The following BCAS3 variants were observed in gnomAD, a reference collection of about 807,000 sequenced individuals.
BCAS3 encodes the protein BCAS4/BCAS3 fusion.
A neutral mutation model predicts 116.1 loss-of-function variants in BCAS3; 53 were observed. The observed-to-expected ratio is 0.46, with a 90% CI of 0.37 to 0.57. The LOEUF is 0.57. BCAS3 is among the 20% of genes least tolerant of loss of function. The probability of loss-of-function intolerance (pLI) is 0.00; values close to 1 mark genes in which losing one functional copy is unlikely to be tolerated. For synonymous variants in BCAS3, 391 were observed against 408.2 expected (o/e 0.96, Z 0.51); for missense variants, 917 against 1,165.4 (o/e 0.79, Z 3.10).
rs1029499763 is a variant in BCAS3 at position 61,366,533 on chromosome 17, C to A, written c.2426-1794C>A. 6.6e-6 allele frequency among the ~76,000 whole-genome samples: 1 copy of A among 152,206 alleles called. No homozygotes were observed. Among genetic ancestry groups the A allele is most frequent in the African/African-American group, 2.4e-5 (1 of 41,460 alleles). On this transcript the variant is annotated intron_variant, in intron 22 of 23. Transcript: ENST00000407086. This position sits in a 1 kb window ranked among gnomAD's most constrained non-coding sequence, Gnocchi z 4.5. ...AGTGTTGGCTCTGAGCTTGGCACTG[C>A]CAGTGCACAGCTCTAGCACAGTTCA...
intron 22 of BCAS3, among the ~76,000 whole-genome samples, chr17:61,102,642 T>C (rs2074399163): frequency 6.6e-6 from 1 of 152,170 alleles, no homozygotes; most frequent in Non-Finnish European, 1.5e-5. Context: ...AATAGACGTG[T>C]GTAATGCAAG....
chr17:60,979,127 A>G (rs896258159), intron 14 of BCAS3, among the ~76,000 whole-genome samples: 2 of 149,876 alleles, frequency 1.3e-5, no homozygotes, highest in Non-Finnish European at 3.0e-5. Flanking sequence ...GATTCTTCCT[A>G]CCCATGAGCA....
At chr17:60,828,347 T>C (rs900367538) in intron 7 of BCAS3, among the ~76,000 whole-genome samples, 3 of 152,242 alleles carry the variant, frequency 2.0e-5, no homozygotes, top group Non-Finnish European at 4.4e-5. Context: ...GGCAATTCAT[T>C]ATGGAGAACC....
intron 7 of BCAS3, among the ~76,000 whole-genome samples, chr17:60,855,084 G>A (rs1469358383): frequency 1.3e-5 from 2 of 150,436 alleles, no homozygotes; most frequent in Non-Finnish European, 3.0e-5. Flanking sequence ...TGAGTAGCTG[G>A]GATTACAGAT....
At chr17:61,110,521 T>G (rs1031281977) in intron 22 of BCAS3, among the ~76,000 whole-genome samples, 1 of 152,184 alleles carries the variant, frequency 6.6e-6, no homozygotes, top group African/African-American at 2.4e-5. Flanking sequence ...ACCTGAATAT[T>G]GCGCTTTTCG....
At chr17:60,861,418 G>T (rs990650207) in intron 7 of BCAS3, among the ~76,000 whole-genome samples, 3 of 152,130 alleles carry the variant, frequency 2.0e-5, no homozygotes, top group Non-Finnish European at 4.4e-5. Context: ...TCTAGGTATT[G>T]AATCATATCA....
chr17:61,009,281 A>G (rs1347961780), intron 15 of BCAS3, among the ~76,000 whole-genome samples: 2 of 152,014 alleles, frequency 1.3e-5, no homozygotes, highest in Non-Finnish European at 2.9e-5. Context: ...CTAATACTCT[A>G]ATACTATACT....
chr17:60,751,942 T>G (rs1330373698), intron 6 of BCAS3, among the ~76,000 whole-genome samples: 1 of 152,196 alleles, frequency 6.6e-6, no homozygotes, highest in African/African-American at 2.4e-5. Context: ...AAATGAAAAT[T>G]TATGTGAGTC....
At chr17:61,135,596 T>C (rs922017214) in intron 22 of BCAS3, among the ~76,000 whole-genome samples, 1 of 152,224 alleles carries the variant, frequency 6.6e-6, no homozygotes, top group African/African-American at 2.4e-5. Flanking sequence ...TGTGTGTACA[T>C]CATAGAAGGG....
In BCAS3 at chr17:61,376,495, G is replaced by T. The variant is rs1038581936; in HGVS notation, c.2593+8001G>T. Among the ~76,000 whole-genome samples, 1 of 152,070 alleles carries T rather than the reference G, an allele frequency of 6.6e-6. No homozygotes were observed. The highest frequency in any genetic ancestry group is 6.5e-5 in the Admixed American group (1 of 15,268). On this transcript the variant is annotated intron_variant, in intron 23 of 23. Transcript: ENST00000407086. The surrounding 1 kb of genome is among the most constrained non-coding windows in gnomAD (Gnocchi z 4.5). ...GATACCCAGGAAGGGTTAGTCTTTC[G>T]GCCTCCTGAAAGTAGGAATCGCTCT...
chr17:60,749,663 C>T (rs2042284433), intron 6 of BCAS3, among the ~76,000 whole-genome samples: 1 of 151,908 alleles, frequency 6.6e-6, no homozygotes, highest in South Asian at 2.1e-4. Context: ...TTCTATTGAA[C>T]AATTATTTTC....
intron 22 of BCAS3, chr17:61,086,698 G>T (rs557324320): frequency 1.0e-6 from 1 of 985,038 alleles, no homozygotes; most frequent in Non-Finnish European, 1.2e-6. Context: ...TATTTTTCTA[G>T]GCCTGTTTTC....
intron 19 of BCAS3, among the ~76,000 whole-genome samples, chr17:61,066,716 A>G (rs1216641184): frequency 6.6e-6 from 1 of 152,048 alleles, no homozygotes; most frequent in African/African-American, 2.4e-5. Flanking sequence ...TTCTCTGGGG[A>G]TATTTTAGAA....
chr17:61,375,769 C>T (rs542249203), intron 23 of BCAS3, among the ~76,000 whole-genome samples: 5 of 152,130 alleles, frequency 3.3e-5, no homozygotes, highest in African/African-American at 9.6e-5. Flanking sequence ...GACAGGGTTT[C>T]ACCATGTTGG....
At chr17:61,353,323 C>T (rs567224099) in intron 22 of BCAS3, among the ~76,000 whole-genome samples, 39 of 152,146 alleles carry the variant, frequency 2.6e-4, no homozygotes, top group Non-Finnish European at 4.4e-4. Flanking sequence ...CTGCAGCTTC[C>T]GTGCACACAG....
At chr17:60,912,424 A>G (rs893716423) in intron 12 of BCAS3, among the ~76,000 whole-genome samples, 11 of 152,162 alleles carry the variant, frequency 7.2e-5, no homozygotes, top group African/African-American at 2.7e-4. Context: ...AGCTACTTAT[A>G]TGCTAGTTCC....
At chr17:60,924,113 G>T (rs1199160834) in intron 12 of BCAS3, among the ~76,000 whole-genome samples, 1 of 152,084 alleles carries the variant, frequency 6.6e-6, no homozygotes, top group Non-Finnish European at 1.5e-5. Flanking sequence ...GAAAATAGTT[G>T]ATTGTATCAT....
Position 61,329,531 on chromosome 17 carries a change from C to T in BCAS3, c.2426-38796C>T, listed in dbSNP as rs1426441023. On this transcript the variant is annotated intron_variant, in intron 22 of 23. Transcript: ENST00000407086. The stretch of plus-strand genomic sequence containing the variant: ...AATTTTTTGTATTTTTTAGTAGAGA[C>T]GGGGTTTCACCGTGTTAGCCAGGAT... 2.0e-5 allele frequency among the ~76,000 whole-genome samples: 3 copies of T among 151,538 alleles called. No individual in the cohort carries two copies. In the East Asian group the frequency reaches 5.9e-4, roughly 30 times the overall value.
intron 11 of BCAS3, among the ~76,000 whole-genome samples, chr17:60,908,019 C>T (rs1470653159): frequency 6.6e-6 from 1 of 152,120 alleles, no homozygotes; most frequent in Non-Finnish European, 1.5e-5. Context: ...CTCTAACACC[C>T]CTGACTCCCT....
Sources: gnomAD v4.1 joint callset for allele counts (sites outside exome capture counted in the v4.1 genomes callset) on GRCh38, gnomAD v4.1.1 for gene constraint, Gnocchi (gnomAD v3.1) non-coding constraint, MANE v1.5 for transcripts, NCBI Gene and HGNC (gene_info 2026-07-23, HGNC 2026-07-21) for gene names.